Variants in MCPH1 observed in about 807,000 individuals in gnomAD.
MCPH1 encodes microcephalin.
A neutral mutation model predicts 84.5 loss-of-function variants in MCPH1; 104 were observed. The ratio of observed to expected loss-of-function variants is 1.23; its 90% confidence interval spans 1.05 to 1.45. The LOEUF (loss-of-function observed/expected upper bound fraction) is 1.45. Ranked by LOEUF, MCPH1 falls within the 40% of genes most tolerant of loss-of-function variation. The pLI, the probability that MCPH1 is intolerant of heterozygous loss-of-function variation, is 0.00. For missense variants in MCPH1, 1,498 were observed against 1,005.7 expected (o/e 1.49, Z -6.62); for synonymous variants, 514 against 366.8 (o/e 1.40, Z -4.58).
intron 9 of MCPH1, chr8:6,474,330 T>G: frequency 2.2e-6 from 1 of 445,250 alleles, no homozygotes. Context: ...TACCTGGCTT[T>G]CTATGACACG....
At chr8:6,503,406 C>G in intron 12 of MCPH1, 2 of 759,376 alleles carry the variant, frequency 2.6e-6, no homozygotes, top group Non-Finnish European at 4.3e-6. Flanking sequence ...AGGATGTGCA[C>G]TGGCAGAGGG....
At chr8:6,616,106 A>C (rs959704228) in intron 12 of MCPH1, 2 of 152,182 alleles carry the variant, frequency 1.3e-5, no homozygotes, top group Non-Finnish European at 2.9e-5. Context: ...AGGTGACTTG[A>C]CTGTAAGGCC....
chr8:6,468,821 T>C (rs77835811), intron 9 of MCPH1, among the ~76,000 whole-genome samples: 2,186 of 152,186 alleles, frequency 0.014, 56 homozygotes, highest in African/African-American at 0.051. Context: ...AGTCTGTGAA[T>C]TTGAGTAAAA....
At chr8:6,485,987 G>T (rs1809856603) in intron 11 of MCPH1, among the ~76,000 whole-genome samples, 1 of 152,238 alleles carries the variant, frequency 6.6e-6, no homozygotes, top group East Asian at 1.9e-4. Context: ...CAGTCTTCAA[G>T]AAGACAAAGA....
chr8:6,588,295 A>G (rs1323173102), intron 12 of MCPH1, among the ~76,000 whole-genome samples: 1 of 152,166 alleles, frequency 6.6e-6, no homozygotes, highest in Admixed American at 6.5e-5. Flanking sequence ...TCCCTTGATA[A>G]AGCAAGTCAC....
In MCPH1 at chr8:6,484,318, T is replaced by C. The variant is rs2129560247; in HGVS notation, c.2136+3442T>C. Among the ~76,000 whole-genome samples the C allele has an allele frequency of 2.0e-5, 3 of 152,344 alleles. 1 individual carries two copies. The highest frequency in any genetic ancestry group is 2.0e-4 in the Admixed American group (3 of 15,302). ...AAGCATCTAAAAAGATGCTCATCAT[T>C]ATTGCTCACTTCAGAAATATAGTGA... On this transcript the variant is annotated intron_variant, in intron 11 of 13. Transcript: ENST00000344683.
intron 13 of MCPH1, among the ~76,000 whole-genome samples, chr8:6,634,087 A>T (rs1207502919): frequency 6.6e-6 from 1 of 152,158 alleles, no homozygotes; most frequent in Admixed American, 6.5e-5. Flanking sequence ...AAAATAGAAA[A>T]ACTCTACGTA....
rs540758009 is a variant in MCPH1, at chr8:6,510,901, G to A, written c.2214+10972G>A. 3.3e-5 allele frequency among the ~76,000 whole-genome samples: 5 copies of A among 152,334 alleles called. No individual in the cohort carries two copies. In the South Asian group the frequency reaches 8.3e-4, roughly 25 times the overall value. Reference sequence around the variant, plus strand: ...CAGTATTTTCCCACATGTTTCAAAAGTGAGACTGGCCGTAGCTCAGTCTCT... The same window carrying A: ...CAGTATTTTCCCACATGTTTCAAAAATGAGACTGGCCGTAGCTCAGTCTCT... On this transcript the variant is annotated intron_variant, in intron 12 of 13. Transcript: ENST00000344683.
intron 12 of MCPH1, among the ~76,000 whole-genome samples, chr8:6,584,585 C>T (rs758454929): frequency 1.4e-4 from 22 of 152,038 alleles, no homozygotes; most frequent in South Asian, 8.3e-4. Context: ...TCATTATAAC[C>T]GGGGGAGGAA....
chr8:6,484,571 A>C (rs1180427637), intron 11 of MCPH1, among the ~76,000 whole-genome samples: 1 of 152,238 alleles, frequency 6.6e-6, no homozygotes, highest in Non-Finnish European at 1.5e-5. Flanking sequence ...TCTGTACGCG[A>C]ATATTTGTAG....
At chr8:6,473,317 ATCC>A (rs1808000741) in intron 9 of MCPH1, among the ~76,000 whole-genome samples, 3 of 131,128 alleles carry the variant, frequency 2.3e-5, no homozygotes, top group Non-Finnish European at 3.1e-5. Flanking sequence ...TTTTCTCTCA[ATCC>A]TTTTTTTTTT....
At chr8:6,627,059 A>T in intron 13 of MCPH1, 5 of 984,944 alleles carry the variant, frequency 5.1e-6, no homozygotes, top group Non-Finnish European at 6.0e-6. Context: ...AACATGTCCC[A>T]TGTCGATGTT....
At chr8:6,607,192 C>T (rs1375283815) in intron 12 of MCPH1, among the ~76,000 whole-genome samples, 1 of 152,154 alleles carries the variant, frequency 6.6e-6, no homozygotes, top group Non-Finnish European at 1.5e-5. Context: ...TTGGGAGAGT[C>T]TTTCCCAATA....
chr8:6,596,711 C>G (rs1371647042), intron 12 of MCPH1, among the ~76,000 whole-genome samples: 1 of 152,122 alleles, frequency 6.6e-6, no homozygotes, highest in African/African-American at 2.4e-5. Context: ...CAGCACAGAT[C>G]CCACAATGCA....
rs879477643 is a variant in MCPH1, at chr8:6,512,355, G to C, written c.2214+12426G>C. Among the ~76,000 whole-genome samples the C allele has an allele frequency of 3.9e-5, 6 of 152,296 alleles. No homozygotes were observed. The East Asian group carries it at 9.7e-4, about 25-fold the overall frequency. ...GACTTTAACATTGTGTCTCCTTTCAGACTGTTCAGGTCGTGGAGCGGAGTG... is the reference window on the plus strand; with the variant it reads ...GACTTTAACATTGTGTCTCCTTTCACACTGTTCAGGTCGTGGAGCGGAGTG... On this transcript the variant is annotated intron_variant, in intron 12 of 13. Transcript: ENST00000344683.
chr8:6,440,077 G>T (rs1803279119), intron 6 of MCPH1, among the ~76,000 whole-genome samples: 1 of 152,164 alleles, frequency 6.6e-6, no homozygotes. Context: ...ATCCTGGAGG[G>T]TTTGTTTGCA....
chr8:6,523,722 T>C (rs1423589024), intron 12 of MCPH1, among the ~76,000 whole-genome samples: 1 of 152,110 alleles, frequency 6.6e-6, no homozygotes, highest in Non-Finnish European at 1.5e-5. Flanking sequence ...CCTGAGTAGT[T>C]AGGATTACAG....
intron 9 of MCPH1, among the ~76,000 whole-genome samples, chr8:6,474,847 T>C (rs1409676970): frequency 2.0e-5 from 3 of 152,150 alleles, no homozygotes; most frequent in Non-Finnish European, 4.4e-5. Flanking sequence ...AAAATAAGAA[T>C]AATAATACTT....
intron 12 of MCPH1, chr8:6,508,745 C>A (rs952247283): frequency 5.2e-5 from 41 of 795,168 alleles, no homozygotes; most frequent in South Asian, 3.4e-5. Context: ...AGCTCCATAT[C>A]ATATTCTCAC....
Sources: allele counts gnomAD v4.1 joint callset (sites outside exome capture counted in the v4.1 genomes callset), GRCh38; gene constraint gnomAD v4.1.1; transcripts MANE v1.5; gene names NCBI Gene and HGNC (gene_info 2026-07-23, HGNC 2026-07-21).